Variants in CDH18 observed in about 807,000 individuals in gnomAD.
CDH18 encodes cadherin-18.
In CDH18, 31 loss-of-function variants were observed where a neutral mutation model predicts 67.9. That is an observed-to-expected ratio of 0.46 (90% confidence interval 0.34 to 0.62). CDH18 has a LOEUF of 0.62. CDH18 is among the 20% of genes least tolerant of loss of function. CDH18 has a pLI of 0.01. For synonymous variants in CDH18, 362 were observed against 347.2 expected, an observed-to-expected ratio of 1.04 and a Z score of -0.48; for missense variants, 890 against 975.5, an observed-to-expected ratio of 0.91 and a Z score of 1.17.
Position 20,198,680 on chromosome 5 carries a change from G to T in CDH18, c.-518+56764C>A, listed in dbSNP as rs561314215. On this transcript the variant is annotated intron_variant, in intron 2 of 14. Coordinates refer to the CDH18 transcript ENST00000507958. ...CCATAGGCTAATCACCAAGACTATG[G>T]GAAAAATGTCTCCAGGGCATGTCAG... Among the ~76,000 whole-genome samples, 120 of 152,228 alleles carry T rather than the reference G, an allele frequency of 7.9e-4. 2 individuals carry two copies. In the South Asian group the frequency reaches 0.024, roughly 30 times the overall value.
intron 2 of CDH18, among the ~76,000 whole-genome samples, chr5:20,027,710 A>C (rs1358712215): frequency 1.3e-5 from 2 of 152,184 alleles, no homozygotes; most frequent in Non-Finnish European, 2.9e-5. Flanking sequence ...ATGCAACTTA[A>C]CTTCCCTCTT....
rs536287214 is a variant in CDH18 at position 20,506,673 on chromosome 5, A to T, written c.-580+68789T>A. 2.0e-5 allele frequency among the ~76,000 whole-genome samples: 3 copies of T among 152,360 alleles called. No individual in the cohort carries two copies. In the South Asian group the frequency reaches 6.2e-4, roughly 32 times the overall value. The stretch of plus-strand genomic sequence containing the variant: ...CACACCCAGACTCCTGACCCACAGG[A>T]ACTGTGAGCTACTAAATGTGTAGTA... On this transcript the variant is annotated intron_variant, in intron 1 of 14. Transcript: ENST00000507958.
At chr5:20,378,785 G>A (rs1034104415) in intron 1 of CDH18, among the ~76,000 whole-genome samples, 2 of 151,980 alleles carry the variant, frequency 1.3e-5, no homozygotes, top group African/African-American at 2.4e-5. Context: ...GTCTTTGAGG[G>A]GAAATTACAC....
At chr5:19,898,481 A>C (rs984928794) in intron 2 of CDH18, among the ~76,000 whole-genome samples, 1 of 152,054 alleles carries the variant, frequency 6.6e-6, no homozygotes, top group African/African-American at 2.4e-5. Flanking sequence ...ATTTAGAGAG[A>C]TTCATCCAGC....
chr5:20,532,896 T>C (rs1756501436), intron 1 of CDH18, among the ~76,000 whole-genome samples: 1 of 151,840 alleles, frequency 6.6e-6, no homozygotes, highest in African/African-American at 2.4e-5. Flanking sequence ...ATAAACTCTT[T>C]TTTTTTTTCA....
rs1006008794 is a variant in CDH18 at position 19,571,915 on chromosome 5, T to A, written c.1000-83A>T. ...CATTACTTTTCAAATATGCATTATT[T>A]TTTCCTTTTTAGAATAAAATAATTG... On this transcript the variant is annotated intron_variant, in intron 7 of 12. Coordinates refer to ENST00000382275, the MANE Select transcript of CDH18 (RefSeq NM_004934.5). 6.3e-6 allele frequency: 7 copies of A among 1,106,946 alleles called. No homozygotes were observed. The African/African-American group carries it at 9.6e-5, about 15-fold the overall frequency. 68.6% of individuals were successfully genotyped at this position (1,106,946 alleles called of 1,614,324 possible). A position where few individuals can be genotyped will look rare whatever the true frequency, so the allele number is the denominator to read the frequency against.
At chr5:19,599,091 T>C (rs1477191643) in intron 6 of CDH18, among the ~76,000 whole-genome samples, 2 of 152,142 alleles carry the variant, frequency 1.3e-5, no homozygotes, top group African/African-American at 4.8e-5. Context: ...AGTGATATCA[T>C]ATTTAGTATT....
At chr5:20,146,145 T>A (rs1750627228) in intron 2 of CDH18, among the ~76,000 whole-genome samples, 1 of 152,104 alleles carries the variant, frequency 6.6e-6, no homozygotes, top group African/African-American at 2.4e-5. Flanking sequence ...TTTTTCATGG[T>A]GCAGGATTCT....
At chr5:19,722,814 G>T (rs1379615227) in intron 4 of CDH18, among the ~76,000 whole-genome samples, 1 of 152,030 alleles carries the variant, frequency 6.6e-6, no homozygotes, top group South Asian at 2.1e-4. Context: ...ACAATCAATT[G>T]ATCTTGTATG....
intron 3 of CDH18, among the ~76,000 whole-genome samples, chr5:19,803,421 T>C (rs926961669): frequency 2.6e-5 from 4 of 152,220 alleles, no homozygotes; most frequent in African/African-American, 7.2e-5. Flanking sequence ...TTTAAAGTAA[T>C]GAAATCTAAA....
intron 11 of CDH18, among the ~76,000 whole-genome samples, chr5:19,494,371 AAC>A (rs1741953122): frequency 6.6e-6 from 1 of 152,196 alleles, no homozygotes; most frequent in African/African-American, 2.4e-5. Context: ...CAAAAGAGAA[AAC>A]AGAGATCCCG....
chr5:20,550,195 G>A (rs1322097747), intron 1 of CDH18, among the ~76,000 whole-genome samples: 1 of 152,114 alleles, frequency 6.6e-6, no homozygotes, highest in East Asian at 1.9e-4. Context: ...TATTCAAAAG[G>A]TAATGGTAAA....
intron 2 of CDH18, among the ~76,000 whole-genome samples, chr5:19,850,742 T>C (rs1052642992): frequency 2.6e-5 from 4 of 151,876 alleles, no homozygotes; most frequent in Admixed American, 6.6e-5. Flanking sequence ...GTTTAAGGTG[T>C]TACTAAATTT....
At chr5:19,531,804 C>T (rs1748666224) in intron 9 of CDH18, among the ~76,000 whole-genome samples, 1 of 152,054 alleles carries the variant, frequency 6.6e-6, no homozygotes. Context: ...GGTGTGGCTT[C>T]CTGAAAATAA....
chr5:19,665,242 T>C (rs1005263461), intron 5 of CDH18, among the ~76,000 whole-genome samples: 3 of 152,060 alleles, frequency 2.0e-5, no homozygotes, highest in African/African-American at 7.2e-5. Context: ...TTAGACTCAT[T>C]TGACCTAATG....
intron 1 of CDH18, among the ~76,000 whole-genome samples, chr5:20,495,479 C>A (rs1170696665): frequency 6.6e-6 from 1 of 152,150 alleles, no homozygotes; most frequent in African/African-American, 2.4e-5. Context: ...TAATGACAGC[C>A]TATTCAGCAA....
intron 1 of CDH18, among the ~76,000 whole-genome samples, chr5:20,502,800 A>G (rs1033408046): frequency 1.3e-5 from 2 of 152,190 alleles, no homozygotes; most frequent in Admixed American, 1.3e-4. Flanking sequence ...AGAACCAGTC[A>G]GGGTTACTAC....
chr5:20,297,682 T>C (rs1179316602), intron 1 of CDH18, among the ~76,000 whole-genome samples: 3 of 152,132 alleles, frequency 2.0e-5, no homozygotes, highest in Non-Finnish European at 4.4e-5. Flanking sequence ...AAATGTCACT[T>C]TTTCTTATAA....
intron 2 of CDH18, among the ~76,000 whole-genome samples, chr5:19,927,622 A>ATATTTTTATG: frequency 6.6e-6 from 1 of 152,190 alleles, no homozygotes; most frequent in Admixed American, 6.6e-5. Context: ...TATTTTAGCA[A>ATATTTTTATG]AATGATATTT....
Sources: gnomAD v4.1 joint callset for allele counts (sites outside exome capture counted in the v4.1 genomes callset) on GRCh38, gnomAD v4.1.1 for gene constraint, MANE v1.5 for transcripts, NCBI Gene and HGNC (gene_info 2026-07-23, HGNC 2026-07-21) for gene names.